The following APP variants were observed in gnomAD, a reference collection of about 807,000 sequenced individuals.
APP encodes the protein amyloid-beta precursor protein.
In APP, 31 loss-of-function variants were observed where a neutral mutation model predicts 101.4. The observed-to-expected ratio is 0.31, with a 90% CI of 0.23 to 0.41. APP has a LOEUF of 0.41. Among genes scored for constraint, APP ranks in the 10% least tolerant of loss-of-function variants. APP has a pLI of 1.00. For missense variants in APP, 839 were observed against 1,003.7 expected (o/e 0.84, Z 2.22); for synonymous variants, 366 against 364.4 (o/e 1.00, Z -0.05).
chr21:25,934,947 C>A (rs1555898740), intron 13 of APP: 1 of 152,258 alleles, frequency 6.6e-6, no homozygotes, highest in Non-Finnish European at 1.5e-5. Flanking sequence ...GGCTGCATGA[C>A]TTATCCTGAG....
At chr21:25,896,589 C>G (rs918323413) in intron 16 of APP, among the ~76,000 whole-genome samples, 1 of 152,194 alleles carries the variant, frequency 6.6e-6, no homozygotes, top group Non-Finnish European at 1.5e-5. Flanking sequence ...GGAACCCTAA[C>G]ATAATCCACG....
At chr21:26,145,962 T>G (rs994393490) in intron 1 of APP, among the ~76,000 whole-genome samples, 3 of 152,132 alleles carry the variant, frequency 2.0e-5, no homozygotes, top group South Asian at 4.1e-4. Context: ...TCTCATAATA[T>G]CCTCATCTGT....
chr21:26,116,507 T>C (rs1262169271), intron 1 of APP, among the ~76,000 whole-genome samples: 1 of 152,228 alleles, frequency 6.6e-6, no homozygotes, highest in Admixed American at 6.5e-5. Flanking sequence ...GAACAAGTTC[T>C]CTTGTTGTCC....
At chr21:25,953,934 T>C (rs996344966) in intron 13 of APP, among the ~76,000 whole-genome samples, 1 of 152,220 alleles carries the variant, frequency 6.6e-6, no homozygotes, top group African/African-American at 2.4e-5. Flanking sequence ...GACCTCTCTG[T>C]ACTATTTTTC....
intron 14 of APP, among the ~76,000 whole-genome samples, chr21:25,910,343 G>C (rs1241543467): frequency 6.6e-6 from 1 of 152,030 alleles, no homozygotes; most frequent in African/African-American, 2.4e-5. Flanking sequence ...TGTTAGCCAG[G>C]ATGGTCTCGA....
At chr21:25,973,153 T>A (rs1259604882) in intron 11 of APP, among the ~76,000 whole-genome samples, 1 of 146,272 alleles carries the variant, frequency 6.8e-6, no homozygotes, top group African/African-American at 2.6e-5. Context: ...ATAAAAAATT[T>A]CTAATTAATC....
At chr21:26,075,963 G>A (rs770367961) in intron 3 of APP, among the ~76,000 whole-genome samples, 3 of 151,994 alleles carry the variant, frequency 2.0e-5, no homozygotes, top group Non-Finnish European at 2.9e-5. Flanking sequence ...GCGCGATCTC[G>A]GCTCACTGCA....
chr21:25,965,634 T>C (rs1339244052), intron 11 of APP, among the ~76,000 whole-genome samples: 1 of 152,150 alleles, frequency 6.6e-6, no homozygotes, highest in African/African-American at 2.4e-5. Flanking sequence ...GTATCCATGG[T>C]CAACCTTCAC....
chr21:25,935,776 G>A (rs2040333780), intron 13 of APP, among the ~76,000 whole-genome samples: 1 of 145,588 alleles, frequency 6.9e-6, no homozygotes, highest in Non-Finnish European at 1.5e-5. Flanking sequence ...GGAGGCGGAG[G>A]CTGTAGTGAG....
intron 2 of APP, among the ~76,000 whole-genome samples, chr21:26,111,015 T>C (rs2062306527): frequency 8.3e-6 from 1 of 119,824 alleles, no homozygotes; most frequent in Non-Finnish European, 1.7e-5. Context: ...GCAAAAAGAC[T>C]ACAAAGAATT....
chr21:25,954,256 A>AT (rs2041214739), intron 13 of APP, among the ~76,000 whole-genome samples: 1 of 152,176 alleles, frequency 6.6e-6, no homozygotes, highest in Admixed American at 6.5e-5. Context: ...TTCCCCATTA[A>AT]TTGTAAAGTA....
intron 16 of APP, among the ~76,000 whole-genome samples, chr21:25,894,283 A>C (rs1601307246): frequency 6.6e-6 from 1 of 152,294 alleles, no homozygotes; most frequent in South Asian, 2.1e-4. Context: ...ATCAACTTTC[A>C]AGTCTTATTA....
intron 16 of APP, 71 bp from the exon 17 acceptor site, chr21:25,891,939 T>C: frequency 6.8e-7 from 1 of 1,468,082 alleles, no homozygotes; most frequent in Non-Finnish European, 9.3e-7. Flanking sequence ...TAAACGCAAT[T>C]AGAAGAATTT....
At chr21:25,988,702 C>CAAGAAAAAAAA (rs2042736216) in intron 8 of APP, among the ~76,000 whole-genome samples, 1 of 62,372 alleles carries the variant, frequency 1.6e-5, no homozygotes, top group Non-Finnish European at 3.1e-5. Context: ...AACTCTGTCT[C>CAAGAAAAAAAA]AAAAAAAAAA....
chr21:26,055,107 T>C (rs1391525144), intron 3 of APP, among the ~76,000 whole-genome samples: 3 of 152,144 alleles, frequency 2.0e-5, no homozygotes, highest in Non-Finnish European at 4.4e-5. Context: ...CATAGCAGTA[T>C]AGTGTGTGTT....
Position 26,000,298 on chromosome 21 carries a change from A to T in APP, c.866-116T>A, listed in dbSNP as rs537520987. ...CAGTGGCAACCTGGACTGGTTTATT[A>T]GGCAGCATCTACCAAACATTTACTG... On this transcript the variant is annotated intron_variant, in intron 6 of 17. Coordinates refer to ENST00000346798, the MANE Select transcript of APP (RefSeq NM_000484.4). The T allele has an allele frequency of 7.7e-6, 10 of 1,292,070 alleles. No homozygotes were observed. The South Asian group carries it at 1.1e-4, about 15-fold the overall frequency. 80.0% of individuals were successfully genotyped at this position (1,292,070 alleles called of 1,614,324 possible).
At chr21:25,995,230 CAA>C (rs1037363207) in intron 8 of APP, among the ~76,000 whole-genome samples, 5 of 152,222 alleles carry the variant, frequency 3.3e-5, no homozygotes, top group African/African-American at 1.2e-4. Flanking sequence ...TAAAATGAAA[CAA>C]GAGAAAAATA....
intron 1 of APP, among the ~76,000 whole-genome samples, chr21:26,127,906 G>A (rs952513523): frequency 1.4e-4 from 21 of 152,192 alleles, no homozygotes; most frequent in East Asian, 7.7e-4. Context: ...GAGCACGTTC[G>A]TAAGACATCT....
intron 13 of APP, among the ~76,000 whole-genome samples, chr21:25,913,786 T>C (rs2039202279): frequency 6.6e-6 from 1 of 152,154 alleles, no homozygotes; most frequent in African/African-American, 2.4e-5. Context: ...TGAATAACTC[T>C]TTTTACTCTT....
Sources: allele counts gnomAD v4.1 joint callset (sites outside exome capture counted in the v4.1 genomes callset), GRCh38; gene constraint gnomAD v4.1.1; transcripts MANE v1.5; gene names NCBI Gene and HGNC (gene_info 2026-07-23, HGNC 2026-07-21).